Variants in SPOCK3 observed in about 807,000 individuals in gnomAD.
The protein encoded by SPOCK3 is testican-3.
A neutral mutation model predicts 56.6 loss-of-function variants in SPOCK3; 30 were observed. The observed-to-expected ratio is 0.53, with a 90% CI of 0.40 to 0.72. The LOEUF is 0.72. SPOCK3 is among the 30% of genes least tolerant of loss of function. The pLI is 0.00. For synonymous variants in SPOCK3, 196 were observed against 183.3 expected (o/e 1.07, Z -0.56); for missense variants, 527 against 530.0 (o/e 0.99, Z 0.06).
chr4:166,834,268 T>C (rs964987210), intron 6 of SPOCK3, among the ~76,000 whole-genome samples: 9 of 152,210 alleles, frequency 5.9e-5, no homozygotes, highest in African/African-American at 9.7e-5. Flanking sequence ...CTTGCTGTAA[T>C]TGGGCTTTGC....
chr4:166,872,077 T>C (rs551306819), intron 6 of SPOCK3, among the ~76,000 whole-genome samples: 48 of 140,720 alleles, frequency 3.4e-4, no homozygotes, highest in Admixed American at 2.2e-3. Flanking sequence ...CACACACACA[T>C]ATATATATAT....
intron 2 of SPOCK3, among the ~76,000 whole-genome samples, chr4:167,136,028 C>T (rs184237343): frequency 2.8e-4 from 43 of 152,080 alleles, no homozygotes; most frequent in Non-Finnish European, 4.7e-4. Flanking sequence ...TCCAAATATG[C>T]TTATTTTCAT....
chr4:166,999,906 T>C (rs562625964), intron 4 of SPOCK3, among the ~76,000 whole-genome samples: 30 of 152,148 alleles, frequency 2.0e-4, no homozygotes, highest in African/African-American at 6.7e-4. Context: ...TCCTGAGGGG[T>C]TCAAGTCCCA....
intron 6 of SPOCK3, among the ~76,000 whole-genome samples, chr4:166,824,350 T>C (rs2126771560): frequency 6.6e-6 from 1 of 152,216 alleles, no homozygotes; most frequent in African/African-American, 2.4e-5. Context: ...GAAGCCAACA[T>C]TGATTGCTGC....
chr4:166,805,879 C>T (rs962541183), intron 6 of SPOCK3, among the ~76,000 whole-genome samples: 7 of 152,036 alleles, frequency 4.6e-5, no homozygotes, highest in African/African-American at 1.7e-4. Context: ...AAATTGTTTA[C>T]AATAAATACT....
intron 3 of SPOCK3, among the ~76,000 whole-genome samples, chr4:167,055,477 C>A (rs780040526): frequency 1.3e-5 from 2 of 152,046 alleles, no homozygotes; most frequent in African/African-American, 4.8e-5. Flanking sequence ...GCACACCGTG[C>A]GCGAGCCAAA....
intron 2 of SPOCK3, among the ~76,000 whole-genome samples, chr4:167,092,469 T>C (rs976627000): frequency 6.6e-6 from 1 of 152,180 alleles, no homozygotes; most frequent in African/African-American, 2.4e-5. Flanking sequence ...CTCTGAATTA[T>C]TGCATTGATC....
chr4:166,818,024 CAA>C (rs1316030688), intron 6 of SPOCK3, among the ~76,000 whole-genome samples: 11 of 151,934 alleles, frequency 7.2e-5, no homozygotes, highest in African/African-American at 2.4e-4. Flanking sequence ...AAAAAAGATT[CAA>C]AGAGTTAAAT....
chr4:167,006,518 A>G (rs538488027), intron 3 of SPOCK3, among the ~76,000 whole-genome samples: 1 of 152,260 alleles, frequency 6.6e-6, no homozygotes, highest in East Asian at 1.9e-4. Context: ...TTATGCTTAC[A>G]TATGTTACTT....
chr4:167,219,403 T>C (rs1402050574), intron 2 of SPOCK3, among the ~76,000 whole-genome samples: 3 of 152,198 alleles, frequency 2.0e-5, no homozygotes, highest in African/African-American at 4.8e-5. Flanking sequence ...ACAAAGTAGT[T>C]TGGTAATAGA....
chr4:166,999,878 T>C (rs991981134), intron 4 of SPOCK3, among the ~76,000 whole-genome samples: 2 of 152,124 alleles, frequency 1.3e-5, no homozygotes, highest in Non-Finnish European at 2.9e-5. Context: ...CTGGTATGAG[T>C]GACCCCTAAA....
At chr4:167,042,978 A>G (rs556200567) in intron 3 of SPOCK3, among the ~76,000 whole-genome samples, 5 of 152,202 alleles carry the variant, frequency 3.3e-5, no homozygotes, top group South Asian at 2.1e-4. Context: ...TTGGTGAGGC[A>G]CACACCACTG....
At chr4:166,862,100 A>T (rs1174589150) in intron 6 of SPOCK3, among the ~76,000 whole-genome samples, 2 of 152,150 alleles carry the variant, frequency 1.3e-5, no homozygotes, top group African/African-American at 4.8e-5. Flanking sequence ...TTAGCACAGC[A>T]ATTTAAATGA....
intron 6 of SPOCK3, among the ~76,000 whole-genome samples, chr4:166,829,269 A>ATCT (rs761384111): frequency 3.4e-4 from 51 of 152,208 alleles, no homozygotes; most frequent in Non-Finnish European, 4.4e-4. Flanking sequence ...ACACTATGTA[A>ATCT]AAGTTAGCAG....
Position 166,817,876 on chromosome 4 carries a change from A to C in SPOCK3, c.590-25587T>G, listed in dbSNP as rs567284838. ...ACACACATAGTTATACAGCCCTAAAACACAAAATAAGGGCATTGAGTTAAT... is the reference window on the plus strand; with the variant it reads ...ACACACATAGTTATACAGCCCTAAACCACAAAATAAGGGCATTGAGTTAAT... On this transcript the variant is annotated intron_variant, in intron 6 of 10. Coordinates refer to ENST00000357545, the MANE Select transcript of SPOCK3 (RefSeq NM_001040159.2). Among the ~76,000 whole-genome samples the C allele has an allele frequency of 1.4e-4, 22 of 152,154 alleles. No homozygotes were observed. In the South Asian group the frequency reaches 4.6e-3, roughly 32 times the overall value.
chr4:167,098,296 A>C (rs1759336429), intron 2 of SPOCK3, among the ~76,000 whole-genome samples: 1 of 152,064 alleles, frequency 6.6e-6, no homozygotes, highest in African/African-American at 2.4e-5. Flanking sequence ...AACACAGAAT[A>C]AAGTGGGTTC....
At chr4:167,040,525 C>T (rs1753149171) in intron 3 of SPOCK3, among the ~76,000 whole-genome samples, 1 of 152,148 alleles carries the variant, frequency 6.6e-6, no homozygotes, top group East Asian at 1.9e-4. Flanking sequence ...CATTTCTTAA[C>T]TAATGCTTAG....
At chr4:167,076,602 T>C (rs1199201910) in intron 2 of SPOCK3, among the ~76,000 whole-genome samples, 1 of 151,866 alleles carries the variant, frequency 6.6e-6, no homozygotes, top group Admixed American at 6.6e-5. Flanking sequence ...GCTTACACTC[T>C]ATGCAATGGA....
intron 4 of SPOCK3, among the ~76,000 whole-genome samples, chr4:166,955,035 C>A (rs1304339656): frequency 1.3e-5 from 2 of 152,108 alleles, no homozygotes; most frequent in South Asian, 4.1e-4. Context: ...GAAATCCTTT[C>A]TAATGTTAAC....
Sources: gnomAD v4.1 joint callset for allele counts (sites outside exome capture counted in the v4.1 genomes callset) on GRCh38, gnomAD v4.1.1 for gene constraint, MANE v1.5 for transcripts, NCBI Gene and HGNC (gene_info 2026-07-23, HGNC 2026-07-21) for gene names.